The following RAD51B variants were observed in gnomAD, a reference collection of about 807,000 sequenced individuals.
The protein encoded by RAD51B is RAD51 paralog B.
RAD51B carries 38 observed loss-of-function variants against 42.2 expected under a neutral mutation model. That is an observed-to-expected ratio of 0.90 (90% confidence interval 0.70 to 1.18). The LOEUF is 1.18. Ranked by LOEUF, RAD51B falls within the 50% of genes most tolerant of loss-of-function variation. The probability of loss-of-function intolerance (pLI) is 0.00; values close to 1 mark genes in which losing one functional copy is unlikely to be tolerated. For missense variants in RAD51B, 373 were observed against 400.7 expected, an observed-to-expected ratio of 0.93 and a Z score of 0.59; for synonymous variants, 154 against 145.2, an observed-to-expected ratio of 1.06 and a Z score of -0.43.
At chr14:68,054,207 A>G (rs889226523) in intron 7 of RAD51B, among the ~76,000 whole-genome samples, 1 of 152,168 alleles carries the variant, frequency 6.6e-6, no homozygotes, top group African/African-American at 2.4e-5. Context: ...CTTTATAACA[A>G]GTTAAAATCC....
chr14:68,455,725 A>ATT (rs1444164073), intron 9 of RAD51B, among the ~76,000 whole-genome samples: 1 of 152,000 alleles, frequency 6.6e-6, no homozygotes, highest in African/African-American at 2.4e-5. Flanking sequence ...GTCTCAAAAA[A>ATT]TTAAAAAAAA....
At chr14:68,375,945 G>C (rs1385868462) in intron 8 of RAD51B, among the ~76,000 whole-genome samples, 1 of 151,932 alleles carries the variant, frequency 6.6e-6, no homozygotes, top group African/African-American at 2.4e-5. Context: ...CTGGAATATT[G>C]ATAATATTCT....
At chr14:68,391,136 G>GTCTTTTT (rs2083740620) in intron 8 of RAD51B, among the ~76,000 whole-genome samples, 4 of 141,676 alleles carry the variant, frequency 2.8e-5, no homozygotes, top group African/African-American at 1.1e-4. Flanking sequence ...TATGAGACTT[G>GTCTTTTT]TCTTTCTTTC....
At chr14:67,984,567 T>TC in intron 7 of RAD51B, among the ~76,000 whole-genome samples, 1 of 152,222 alleles carries the variant, frequency 6.6e-6, no homozygotes, top group East Asian at 1.9e-4. Flanking sequence ...TTTTTCTGTT[T>TC]CTTTGCCTTT....
chr14:68,460,778 C>G (rs1018925875), intron 9 of RAD51B, among the ~76,000 whole-genome samples: 1 of 152,124 alleles, frequency 6.6e-6, no homozygotes, highest in African/African-American at 2.4e-5. Context: ...AAACCAAAGA[C>G]TTGACTTTGG....
chr14:68,393,413 A>T (rs2083817545), intron 8 of RAD51B, among the ~76,000 whole-genome samples: 1 of 152,206 alleles, frequency 6.6e-6, no homozygotes, highest in Non-Finnish European at 1.5e-5. Context: ...CTCTATTCTC[A>T]TACTGAGGCT....
At chr14:68,568,237 A>G (rs1188480962) in intron 10 of RAD51B, among the ~76,000 whole-genome samples, 2 of 152,224 alleles carry the variant, frequency 1.3e-5, no homozygotes, top group Non-Finnish European at 2.9e-5. Flanking sequence ...AGATAGAAAC[A>G]TGGGTAAAGG....
intron 11 of RAD51B, among the ~76,000 whole-genome samples, chr14:68,668,078 T>G (rs1002350090): frequency 6.6e-6 from 1 of 152,226 alleles, no homozygotes; most frequent in Non-Finnish European, 1.5e-5. Flanking sequence ...GCCTCACCCC[T>G]GGCTGCTGAG....
intron 11 of RAD51B, among the ~76,000 whole-genome samples, chr14:68,682,578 C>G (rs1893453907): frequency 6.6e-6 from 1 of 152,158 alleles, no homozygotes; most frequent in Admixed American, 6.5e-5. Context: ...TACGAAAACA[C>G]AAAGGCCTTG....
At chr14:68,674,869 C>G (rs1893272283) in intron 11 of RAD51B, among the ~76,000 whole-genome samples, 1 of 152,184 alleles carries the variant, frequency 6.6e-6, no homozygotes, top group Non-Finnish European at 1.5e-5. Context: ...CCACTTCTCC[C>G]TGTGGAAGGG....
At chr14:68,197,493 ATGC>A (rs752608275) in intron 7 of RAD51B, among the ~76,000 whole-genome samples, 157 of 152,214 alleles carry the variant, frequency 1.0e-3, no homozygotes, top group Non-Finnish European at 1.8e-3. Flanking sequence ...CATTATGAAT[ATGC>A]TTATACAAGT....
At chr14:67,880,138 CA>C (rs1238605995) in intron 5 of RAD51B, among the ~76,000 whole-genome samples, 2 of 152,108 alleles carry the variant, frequency 1.3e-5, no homozygotes, top group Non-Finnish European at 2.9e-5. Context: ...CTGATCTGAA[CA>C]AAAAGTATTT....
At chr14:68,193,034 A>G (rs2079298079) in intron 7 of RAD51B, among the ~76,000 whole-genome samples, 1 of 152,122 alleles carries the variant, frequency 6.6e-6, no homozygotes, top group African/African-American at 2.4e-5. Flanking sequence ...CATACTTTTT[A>G]CTGATAACAT....
At chr14:68,515,330 C>T (rs1886053892) in intron 10 of RAD51B, among the ~76,000 whole-genome samples, 1 of 151,872 alleles carries the variant, frequency 6.6e-6, no homozygotes, top group Admixed American at 6.6e-5. Flanking sequence ...GGTAAGTGAG[C>T]AAGAAGTTGC....
chr14:67,915,729 A>G (rs2044128986), intron 7 of RAD51B, among the ~76,000 whole-genome samples: 1 of 152,188 alleles, frequency 6.6e-6, no homozygotes, highest in African/African-American at 2.4e-5. Context: ...CATACTCAAG[A>G]GTTGGATTTT....
chr14:68,217,851 T>G (rs1377568944), intron 7 of RAD51B, among the ~76,000 whole-genome samples: 1 of 152,204 alleles, frequency 6.6e-6, no homozygotes, highest in African/African-American at 2.4e-5. Flanking sequence ...TTACTTAACT[T>G]TGAAAGGACA....
chr14:67,886,441 G>T (rs1247173970), intron 6 of RAD51B, among the ~76,000 whole-genome samples: 1 of 152,082 alleles, frequency 6.6e-6, no homozygotes, highest in Non-Finnish European at 1.5e-5. Context: ...CCCTAATATA[G>T]TTGTTGGAAG....
At chr14:68,492,232 T>C (rs1441031626) in intron 10 of RAD51B, among the ~76,000 whole-genome samples, 1 of 152,236 alleles carries the variant, frequency 6.6e-6, no homozygotes, top group Non-Finnish European at 1.5e-5. Context: ...CCCGCTCTGC[T>C]TACCCCCATC....
chr14:68,022,000 G>GA (rs1372502147), intron 7 of RAD51B, among the ~76,000 whole-genome samples: 1 of 152,180 alleles, frequency 6.6e-6, no homozygotes, highest in Admixed American at 6.5e-5. Flanking sequence ...AATGAAGTTT[G>GA]TTGATTGACT....
Sources: allele counts gnomAD v4.1 joint callset (sites outside exome capture counted in the v4.1 genomes callset), GRCh38; gene constraint gnomAD v4.1.1; transcripts MANE v1.5; gene names NCBI Gene and HGNC (gene_info 2026-07-23, HGNC 2026-07-21).